DACH1: variants seen among roughly 807,000 people sequenced by gnomAD.
DACH1 encodes the protein dachshund family transcription factor 1, also known as dachshund homolog 1.
In DACH1, 12 loss-of-function variants were observed where a neutral mutation model predicts 54.2. The observed-to-expected ratio is 0.22, with a 90% CI of 0.14 to 0.36. The LOEUF is 0.36. DACH1 is among the 10% of genes least tolerant of loss of function. The pLI, the probability that DACH1 is intolerant of heterozygous loss-of-function variation, is 1.00. For missense variants in DACH1, 805 were observed against 929.8 expected, an observed-to-expected ratio of 0.87 and a Z score of 1.75; for synonymous variants, 386 against 366.2, an observed-to-expected ratio of 1.05 and a Z score of -0.62.
chr13:71,462,574 A>G (rs2138142416), intron 10 of DACH1, among the ~76,000 whole-genome samples: 1 of 152,022 alleles, frequency 6.6e-6, no homozygotes, highest in East Asian at 1.9e-4. Context: ...TTTACCAAAA[A>G]TAAACACAAT....
At chr13:71,695,129 C>G (rs1333996552) in intron 1 of DACH1, among the ~76,000 whole-genome samples, 1 of 152,172 alleles carries the variant, frequency 6.6e-6, no homozygotes, top group African/African-American at 2.4e-5. Context: ...AAACAGAAGA[C>G]AGAATTCCAT....
chr13:71,495,862 T>G (rs1329390787), intron 6 of DACH1, among the ~76,000 whole-genome samples: 2 of 152,148 alleles, frequency 1.3e-5, no homozygotes, highest in African/African-American at 4.8e-5. Context: ...TGCACTTGTA[T>G]GTTTATTACA....
intron 1 of DACH1, among the ~76,000 whole-genome samples, chr13:71,730,875 C>A: frequency 6.6e-6 from 1 of 151,684 alleles, no homozygotes; most frequent in East Asian, 1.9e-4. Flanking sequence ...TTAAGCAATT[C>A]TAAGGGCTAC....
intron 6 of DACH1, among the ~76,000 whole-genome samples, chr13:71,491,818 C>T (rs1029692979): frequency 6.6e-6 from 1 of 152,080 alleles, no homozygotes; most frequent in Non-Finnish European, 1.5e-5. Flanking sequence ...CATGGTTCCA[C>T]CTTTTGAAAT....
At chr13:71,455,711 C>A (rs952082121) in intron 10 of DACH1, among the ~76,000 whole-genome samples, 6 of 152,068 alleles carry the variant, frequency 3.9e-5, no homozygotes, top group African/African-American at 1.4e-4. Context: ...CATTCTAGAT[C>A]TGTCCCTTAA....
At chr13:71,685,270 A>T (rs1293320992) in intron 1 of DACH1, among the ~76,000 whole-genome samples, 5 of 152,158 alleles carry the variant, frequency 3.3e-5, no homozygotes, top group African/African-American at 1.2e-4. Context: ...ACCAATAGAG[A>T]TTTATTGCTT....
rs150873067 is a variant in DACH1 at position 71,644,922 on chromosome 13, C to A, written c.965-14205G>T. 4.6e-5 allele frequency among the ~76,000 whole-genome samples: 7 copies of A among 152,040 alleles called. No homozygotes were observed. In the East Asian group the frequency reaches 1.4e-3, roughly 29 times the overall value. On this transcript the variant is annotated intron_variant, in intron 2 of 10. Coordinates refer to ENST00000613252, the MANE Select transcript of DACH1 (RefSeq NM_080759.6). ...CAGCTCTGTTTCTTTTCTGTATTTG[C>A]CAAGAATAGTAAAGGAGACTTCTGA...
intron 1 of DACH1, among the ~76,000 whole-genome samples, chr13:71,791,496 T>C (rs906995580): frequency 1.3e-5 from 2 of 152,126 alleles, no homozygotes; most frequent in African/African-American, 4.8e-5. Flanking sequence ...TTCTCCTGTC[T>C]CAGCTTCCCA....
chr13:71,785,589 C>A (rs909242802), intron 1 of DACH1, among the ~76,000 whole-genome samples: 1 of 152,148 alleles, frequency 6.6e-6, no homozygotes, highest in Non-Finnish European at 1.5e-5. Flanking sequence ...GAGATGTTTT[C>A]ACTTCATGTG....
chr13:71,829,485 A>G (rs1888504823), intron 1 of DACH1, among the ~76,000 whole-genome samples: 4 of 152,002 alleles, frequency 2.6e-5, no homozygotes, highest in Admixed American at 2.6e-4. Flanking sequence ...AACTGTATAA[A>G]TTTATACAAA....
chr13:71,635,935 C>G (rs887042924), intron 2 of DACH1, among the ~76,000 whole-genome samples: 1 of 152,062 alleles, frequency 6.6e-6, no homozygotes, highest in Non-Finnish European at 1.5e-5. Context: ...CAAACACCAC[C>G]AGGTCTGGCT....
At chr13:71,465,590 T>C (rs973143168) in intron 10 of DACH1, among the ~76,000 whole-genome samples, 1 of 152,136 alleles carries the variant, frequency 6.6e-6, no homozygotes, top group East Asian at 1.9e-4. Context: ...ATACATTTTT[T>C]GTTGTGATGA....
At chr13:71,534,550 T>C (rs1882629925) in intron 6 of DACH1, among the ~76,000 whole-genome samples, 1 of 151,686 alleles carries the variant, frequency 6.6e-6, no homozygotes, top group South Asian at 2.1e-4. Flanking sequence ...TTTTTAAGAG[T>C]AGACAATGTT....
intron 3 of DACH1, among the ~76,000 whole-genome samples, chr13:71,579,495 T>C (rs1198384441): frequency 2.0e-5 from 3 of 152,134 alleles, no homozygotes; most frequent in Non-Finnish European, 2.9e-5. Flanking sequence ...GATGAAACGA[T>C]ACTTAATGAA....
At chr13:71,511,005 A>G (rs1260825692) in intron 6 of DACH1, among the ~76,000 whole-genome samples, 1 of 152,014 alleles carries the variant, frequency 6.6e-6, no homozygotes, top group Non-Finnish European at 1.5e-5. Flanking sequence ...ATTTGAAATA[A>G]TGTTTATACA....
chr13:71,692,420 A>C (rs761945070), intron 1 of DACH1, among the ~76,000 whole-genome samples: 1 of 149,082 alleles, frequency 6.7e-6, no homozygotes, highest in South Asian at 2.1e-4. Flanking sequence ...GGCACTGATT[A>C]TTAGTCAAAC....
At chr13:71,795,743 T>C (rs1887021110) in intron 1 of DACH1, among the ~76,000 whole-genome samples, 1 of 152,172 alleles carries the variant, frequency 6.6e-6, no homozygotes, top group African/African-American at 2.4e-5. Context: ...ATAACTTTGA[T>C]CAAGTATTTA....
chr13:71,497,899 C>T (rs1879578853), intron 6 of DACH1, among the ~76,000 whole-genome samples: 1 of 146,526 alleles, frequency 6.8e-6, no homozygotes, highest in African/African-American at 2.5e-5. Flanking sequence ...CACACACACA[C>T]ACAGATACAC....
At position 71,866,712 on chromosome 13, in the gene DACH1, T is replaced by C. The variant is rs1874846955; in HGVS notation, c.58A>G (p.Ile20Val). 28 of 1,434,748 alleles carry C rather than the reference T, an allele frequency of 2.0e-5. No homozygotes were observed. The highest frequency in any genetic ancestry group is 2.9e-5 in the African/African-American group (2 of 67,904). 88.9% of individuals were successfully genotyped at this position (1,434,748 alleles called of 1,614,324 possible). A position where few individuals can be genotyped will look rare whatever the true frequency, so the allele number is the denominator to read the frequency against. Residue 20 changes from isoleucine to valine, a missense_variant, in exon 1 of 11, where the codon ATC becomes GTC. Physicochemically the swap from Ile to Val is conservative, Grantham distance 29. Coordinates refer to ENST00000613252, the MANE Select transcript of DACH1 (RefSeq NM_080759.6). Reference protein sequence around the residue: ...PTQLVPPQPPISTSASSSGTT... With the variant: ...PTQLVPPQPPVSTSASSSGTT... ...CCAGAGGAGGAAGCAGACGTGGAGATTGGGGGTTGAGGGGGGACCAGCTGG... is the reference window on the plus strand; with the variant it reads ...CCAGAGGAGGAAGCAGACGTGGAGACTGGGGGTTGAGGGGGGACCAGCTGG...
Sources: gnomAD v4.1 joint callset for allele counts (sites outside exome capture counted in the v4.1 genomes callset) on GRCh38, gnomAD v4.1.1 for gene constraint, MANE v1.5 for transcripts, NCBI Gene and HGNC (gene_info 2026-07-23, HGNC 2026-07-21) for gene names.